GABRA5: variants seen among roughly 807,000 people sequenced by gnomAD.
GABRA5 encodes the protein gamma-aminobutyric acid receptor subunit alpha-5.
In GABRA5, 18 loss-of-function variants were observed where a neutral mutation model predicts 47.3. That is an observed-to-expected ratio of 0.38 (90% CI 0.26 to 0.56). The LOEUF (loss-of-function observed/expected upper bound fraction) is 0.56. Among genes scored for constraint, GABRA5 ranks in the 20% least tolerant of loss-of-function variants. GABRA5 has a pLI of 0.71. For missense variants in GABRA5, 365 were observed against 599.3 expected (o/e 0.61, Z 4.08); for synonymous variants, 237 against 229.3 (o/e 1.03, Z -0.30).
chr15:26,884,881 T>C (rs538753124), intron 6 of GABRA5, among the ~76,000 whole-genome samples: 185 of 152,302 alleles, frequency 1.2e-3, no homozygotes, highest in African/African-American at 4.3e-3. Context: ...CAACATCTCA[T>C]TGCAGCTTGG....
chr15:26,947,929 T>C lies in GABRA5; in HGVS notation c.1090-5T>C, dbSNP rs1345003178. 6.4e-7 allele frequency: 1 copy of C among 1,563,986 alleles called. No homozygotes were observed. The highest frequency in any genetic ancestry group is 8.7e-7 in the Non-Finnish European group (1 of 1,153,404). On this transcript the variant is annotated splice_polypyrimidine_tract_variant and splice_region_variant and intron_variant, in intron 10 of 10. Coordinates refer to ENST00000335625, the MANE Select transcript of GABRA5 (RefSeq NM_000810.4). ...GTGTCCTTACATTCGTATTATATTT[T>C]GCAGAAAAAGCGTGAAGTCATACTA...
Position 26,869,300 on chromosome 15 carries a change from T to G in GABRA5, c.52T>G (p.Phe18Val). 1.9e-6 allele frequency: 3 copies of G among 1,609,578 alleles called. 1 individual carries two copies. In the South Asian group the frequency reaches 3.3e-5, roughly 18 times the overall value. Reference sequence around the variant, plus strand: ...TATCATGATCAAAAACCTCCTTCTCTTTTGTATTTCCATGAACTTATCCAG... The same window carrying G: ...TATCATGATCAAAAACCTCCTTCTCGTTTGTATTTCCATGAACTTATCCAG... Reference protein sequence around the residue: ...GFIMIKNLLLFCISMNLSSHF... With the variant: ...GFIMIKNLLLVCISMNLSSHF... Residue 18 changes from phenylalanine (F) to valine (V), a missense_variant, in exon 3 of 11, where the codon TTT becomes GTT. By Grantham distance (50) the Phe-to-Val change is conservative. Around this residue, in one of 3 missense-constraint regions of GABRA5, gnomAD observed 216 missense variants for 335.3 expected, o/e 0.64. Transcript: ENST00000335625.
intron 9 of GABRA5, among the ~76,000 whole-genome samples, chr15:26,942,649 G>A (rs1333480948): frequency 6.6e-6 from 1 of 152,174 alleles, no homozygotes; most frequent in African/African-American, 2.4e-5. Flanking sequence ...CTGGCTGTTT[G>A]CCTGGCTTTG....
At chr15:26,908,982 T>G (rs1190169209) in intron 6 of GABRA5, among the ~76,000 whole-genome samples, 5 of 152,250 alleles carry the variant, frequency 3.3e-5, no homozygotes, top group Non-Finnish European at 5.9e-5. Flanking sequence ...TAGACTTGTA[T>G]GAGCTTCCTG....
At chr15:26,932,738 A>G (rs894393677) in intron 7 of GABRA5, among the ~76,000 whole-genome samples, 7 of 152,236 alleles carry the variant, frequency 4.6e-5, no homozygotes, top group Admixed American at 1.3e-4. Context: ...GATAGACTGG[A>G]TAAGGAAAAC....
At chr15:26,907,195 GA>G (rs1200330554) in intron 6 of GABRA5, among the ~76,000 whole-genome samples, 2 of 152,112 alleles carry the variant, frequency 1.3e-5, no homozygotes, top group African/African-American at 2.4e-5. Context: ...TTTTAAAAAG[GA>G]GACACTTTGT....
intron 3 of GABRA5, among the ~76,000 whole-genome samples, chr15:26,878,185 T>G (rs1892644396): frequency 6.6e-6 from 1 of 152,248 alleles, no homozygotes; most frequent in Non-Finnish European, 1.5e-5. Context: ...TCTGTGTTAT[T>G]TTGTTTTTCA....
intron 6 of GABRA5, among the ~76,000 whole-genome samples, chr15:26,906,342 G>C (rs1420391518): frequency 6.6e-6 from 1 of 152,108 alleles, no homozygotes; most frequent in Non-Finnish European, 1.5e-5. Flanking sequence ...TTGCAGATAG[G>C]GTCTGTGTGC....
intron 6 of GABRA5, among the ~76,000 whole-genome samples, chr15:26,889,306 G>A (rs2140264157): frequency 6.6e-6 from 1 of 152,002 alleles, no homozygotes; most frequent in South Asian, 2.1e-4. Flanking sequence ...TTAAATTCAG[G>A]TCCTGACTGT....
Position 26,867,339 on chromosome 15 carries a change from G to A in GABRA5, c.-140+228G>A, listed in dbSNP as rs571675375. 1.9e-3 allele frequency: 293 copies of A among 152,046 alleles called. 2 individuals carry two copies. The highest frequency in any genetic ancestry group is 6.9e-3 in the African/African-American group (286 of 41,508). The allele number at this position is 152,046 out of a possible 1,614,324, so 9.4% of individuals were successfully genotyped here. ...GGCGAGAGCAGGCGGAGGAGAAGGA[G>A]GATGCATCCTCACCGACGGCTCGCC... On this transcript the variant is annotated intron_variant, in intron 1 of 10. Transcript: ENST00000335625. This position sits in a 1 kb window ranked among gnomAD's most constrained non-coding sequence, Gnocchi z 5.9.
At chr15:26,873,296 A>T (rs1331149131) in intron 3 of GABRA5, among the ~76,000 whole-genome samples, 2 of 152,192 alleles carry the variant, frequency 1.3e-5, no homozygotes. Flanking sequence ...ACCAGTGACA[A>T]TTGTGAGATA....
chr15:26,887,685 T>G (rs1892912381), intron 6 of GABRA5, among the ~76,000 whole-genome samples: 1 of 152,164 alleles, frequency 6.6e-6, no homozygotes, highest in Non-Finnish European at 1.5e-5. Context: ...GACAAACATC[T>G]AGAAATGTTT....
chr15:26,930,877 T>C (rs540299549), intron 7 of GABRA5, among the ~76,000 whole-genome samples: 1 of 149,568 alleles, frequency 6.7e-6, no homozygotes, highest in Non-Finnish European at 1.5e-5. Context: ...TTTTCTTTTT[T>C]CTTTCTTTCT....
intron 7 of GABRA5, among the ~76,000 whole-genome samples, chr15:26,926,220 C>T (rs11853851): frequency 0.018 from 2,704 of 152,078 alleles, 83 homozygotes; most frequent in African/African-American, 0.062. Context: ...TGAGTCTCTC[C>T]GGGGCTTTCA....
chr15:26,932,114 C>T (rs1014632894), intron 7 of GABRA5, among the ~76,000 whole-genome samples: 1 of 152,128 alleles, frequency 6.6e-6, no homozygotes, highest in Non-Finnish European at 1.5e-5. Context: ...CAAAAATTGA[C>T]AAATGGGACC....
intron 8 of GABRA5, chr15:26,939,376 T>G: frequency 3.9e-6 from 3 of 765,182 alleles, no homozygotes; most frequent in Non-Finnish European, 7.2e-6. Context: ...AGGCGACACC[T>G]CTCTGGTAGG....
chr15:26,885,558 T>C (rs1485772194), intron 6 of GABRA5, among the ~76,000 whole-genome samples: 1 of 152,214 alleles, frequency 6.6e-6, no homozygotes, highest in Non-Finnish European at 1.5e-5. Flanking sequence ...AGCACACAAC[T>C]TGGCATTTTG....
chr15:26,940,953 A>T lies in GABRA5; in HGVS notation c.877+876A>T, dbSNP rs531051245. On this transcript the variant is annotated intron_variant, in intron 9 of 10. Coordinates refer to ENST00000335625, the MANE Select transcript of GABRA5 (RefSeq NM_000810.4). The stretch of plus-strand genomic sequence containing the variant: ...ATGCTCACATCTTTGTAAACTGTAA[A>T]GTACGATTCACACATCAGCATTTGC... Among the ~76,000 whole-genome samples the T allele has an allele frequency of 2.0e-5, 3 of 152,350 alleles. No homozygotes were observed. The South Asian group carries it at 6.2e-4, about 32-fold the overall frequency.
intron 8 of GABRA5, 91 bp from the exon 9 acceptor site, chr15:26,939,833 AG>A (rs1894343346): frequency 7.8e-7 from 1 of 1,280,198 alleles, no homozygotes; most frequent in African/African-American, 1.5e-5. Context: ...CCAAACCGAC[AG>A]GGGAGTGGAA....
Sources: gnomAD v4.1 joint callset for allele counts (sites outside exome capture counted in the v4.1 genomes callset) on GRCh38, gnomAD v4.1.1 for gene constraint, gnomAD v4.1.1 regional missense constraint, Gnocchi (gnomAD v3.1) non-coding constraint, MANE v1.5 for transcripts, NCBI Gene and HGNC (gene_info 2026-07-23, HGNC 2026-07-21) for gene names.